The following DOCK3 variants were observed in gnomAD, a reference collection of about 807,000 sequenced individuals.
The protein encoded by DOCK3 is dedicator of cytokinesis 3, also known as dedicator of cytokinesis protein 3.
DOCK3 carries 60 observed loss-of-function variants against 265.6 expected under a neutral mutation model. The observed-to-expected ratio is 0.23, with a 90% CI of 0.18 to 0.28. The LOEUF (loss-of-function observed/expected upper bound fraction) is 0.28. DOCK3 is among the 10% of genes least tolerant of loss of function. DOCK3 has a pLI of 1.00. For synonymous variants in DOCK3, 881 were observed against 938.0 expected (o/e 0.94, Z 1.11); for missense variants, 1,981 against 2,594.3 (o/e 0.76, Z 5.14).
chr3:51,251,454 C>G (rs1409198949), intron 22 of DOCK3, among the ~76,000 whole-genome samples: 1 of 152,218 alleles, frequency 6.6e-6, no homozygotes, highest in African/African-American at 2.4e-5. Context: ...ACTGTCTTTT[C>G]CACAATGGTT....
chr3:50,724,632 G>A (rs2037696499), intron 1 of DOCK3, among the ~76,000 whole-genome samples: 1 of 151,694 alleles, frequency 6.6e-6, no homozygotes, highest in African/African-American at 2.4e-5. Flanking sequence ...AGGTGGGAAT[G>A]GAACAATAAC....
Position 50,783,698 on chromosome 3 carries a change from A to G in DOCK3, c.121+4940A>G, listed in dbSNP as rs148716197. On this transcript the variant is annotated intron_variant, in intron 2 of 52. Coordinates refer to ENST00000266037, the MANE Select transcript of DOCK3 (RefSeq NM_004947.5). ...TTCTTCTGCTGTGCAGAAGCTTTTT[A>G]GTTTAAGTAAGTCCCATCCATTTAT... 8.0e-3 allele frequency among the ~76,000 whole-genome samples: 1,223 copies of G among 151,996 alleles called. 17 individuals are homozygous for G. Among genetic ancestry groups the G allele is most frequent in the African/African-American group, 0.027 (1,139 of 41,444 alleles).
chr3:50,761,041 A>G (rs2040497761), intron 1 of DOCK3, among the ~76,000 whole-genome samples: 1 of 152,064 alleles, frequency 6.6e-6, no homozygotes, highest in Non-Finnish European at 1.5e-5. Context: ...TGGCTTCCCA[A>G]AGTGCTGGGA....
intron 5 of DOCK3, among the ~76,000 whole-genome samples, chr3:51,049,828 C>CACACA (rs1491418779): frequency 7.0e-6 from 1 of 142,976 alleles, no homozygotes; most frequent in Non-Finnish European, 1.5e-5. Flanking sequence ...CACACACACA[C>CACACA]CCCAAAAAAA....
At chr3:50,934,148 T>C in intron 5 of DOCK3, 71 bp downstream of exon 5, 2 of 1,032,036 alleles carry the variant, frequency 1.9e-6, no homozygotes, top group African/African-American at 1.6e-5. Flanking sequence ...TAAACTATGC[T>C]AAGTATGCAT....
chr3:51,276,408 C>CA (rs1219708454), intron 25 of DOCK3: 1 of 984,524 alleles, frequency 1.0e-6, no homozygotes, highest in Non-Finnish European at 1.2e-6. Flanking sequence ...GAAATTGAAG[C>CA]AAAAAAAGAG....
In DOCK3 at chr3:51,228,597, T is replaced by C. The variant is rs750400216; in HGVS notation, c.1648-64T>C. The C allele has an allele frequency of 2.6e-4, 400 of 1,538,854 alleles. 1 individual carries two copies. Among genetic ancestry groups the C allele is most frequent in the East Asian group, 8.1e-4 (36 of 44,214 alleles). On this transcript the variant is annotated intron_variant, in intron 17 of 52. Coordinates refer to ENST00000266037, the MANE Select transcript of DOCK3 (RefSeq NM_004947.5). ...GAGCAAGTATCAGCCCAGAAATTCC[T>C]AGGACCTGGTTTTTGCATGTTGCAT...
chr3:50,807,893 G>C (rs1343794292), intron 2 of DOCK3, among the ~76,000 whole-genome samples: 2 of 152,130 alleles, frequency 1.3e-5, no homozygotes, highest in Non-Finnish European at 2.9e-5. Context: ...GGGACTACAG[G>C]TGTGCACCAC....
intron 13 of DOCK3, among the ~76,000 whole-genome samples, chr3:51,210,246 A>C (rs1271064628): frequency 2.6e-5 from 4 of 152,198 alleles, no homozygotes; most frequent in African/African-American, 9.6e-5. Flanking sequence ...CCCCAGAGCG[A>C]GCAGGGACTG....
At chr3:50,897,419 A>G (rs1575474380) in intron 4 of DOCK3, among the ~76,000 whole-genome samples, 2 of 152,212 alleles carry the variant, frequency 1.3e-5, no homozygotes, top group African/African-American at 4.8e-5. Flanking sequence ...CAATCATGTC[A>G]TCTGCAAACA....
chr3:50,752,274 G>A (rs1462395603), intron 1 of DOCK3, among the ~76,000 whole-genome samples: 1 of 152,108 alleles, frequency 6.6e-6, no homozygotes, highest in Non-Finnish European at 1.5e-5. Context: ...ACTTTGGGAG[G>A]CCGAGGCAGG....
intron 5 of DOCK3, among the ~76,000 whole-genome samples, chr3:50,975,352 G>T (rs572208106): frequency 6.6e-6 from 1 of 150,376 alleles, no homozygotes; most frequent in Non-Finnish European, 1.5e-5. Context: ...TAGCATGAAG[G>T]GTTGTTGAAT....
At chr3:50,900,117 A>G (rs1011651816) in intron 4 of DOCK3, among the ~76,000 whole-genome samples, 4 of 152,278 alleles carry the variant, frequency 2.6e-5, no homozygotes, top group Non-Finnish European at 4.4e-5. Flanking sequence ...TACACCAATC[A>G]AATGTAGATT....
Position 51,361,482 on chromosome 3 carries a change from T to G in DOCK3, c.5007-377T>G. 6.7e-6 allele frequency among the ~76,000 whole-genome samples: 1 copy of G among 149,934 alleles called. No homozygotes were observed. On this transcript the variant is annotated intron_variant, in intron 47 of 52. Coordinates refer to ENST00000266037, the MANE Select transcript of DOCK3 (RefSeq NM_004947.5). This position sits in a 1 kb window ranked among gnomAD's most constrained non-coding sequence, Gnocchi z 4.2. Reference sequence around the variant, plus strand: ...CAGATCCCATCATGGTGTGGGGGGGTTGGGGGGTGGGCACTGACCCAGACT... The same window carrying G: ...CAGATCCCATCATGGTGTGGGGGGGGTGGGGGGTGGGCACTGACCCAGACT...
At chr3:51,030,040 G>A (rs1223278710) in intron 5 of DOCK3, among the ~76,000 whole-genome samples, 1 of 152,110 alleles carries the variant, frequency 6.6e-6, no homozygotes, top group East Asian at 1.9e-4. Flanking sequence ...GGGAAGGGGA[G>A]GAGGAAAGCA....
At chr3:50,719,829 C>T in intron 1 of DOCK3, 1 of 752,668 alleles carries the variant, frequency 1.3e-6, no homozygotes, top group South Asian at 1.4e-5. Flanking sequence ...AAAGCAGGAA[C>T]ACTTATAACC....
chr3:50,917,828 T>C (rs959787670), intron 4 of DOCK3, among the ~76,000 whole-genome samples: 1 of 152,150 alleles, frequency 6.6e-6, no homozygotes, highest in Non-Finnish European at 1.5e-5. Context: ...GTTACATATG[T>C]ATACATGTGA....
intron 22 of DOCK3, 134 bp downstream of exon 22, chr3:51,246,941 C>A: frequency 1.2e-6 from 1 of 858,190 alleles, no homozygotes; most frequent in Non-Finnish European, 1.8e-6. Flanking sequence ...CTGTCTTGAT[C>A]CACATAATTT....
chr3:51,229,404 T>TTGCGC, intron 18 of DOCK3, 108 bp from the exon 19 acceptor site: 1 of 663,398 alleles, frequency 1.5e-6, no homozygotes, highest in Non-Finnish European at 2.3e-6. Flanking sequence ...TGAGCTGAGA[T>TTGCGC]CATACAACCG....
Sources: gnomAD v4.1 joint callset for allele counts (sites outside exome capture counted in the v4.1 genomes callset) on GRCh38, gnomAD v4.1.1 for gene constraint, Gnocchi (gnomAD v3.1) non-coding constraint, MANE v1.5 for transcripts, NCBI Gene and HGNC (gene_info 2026-07-23, HGNC 2026-07-21) for gene names.